INPP4B: variants seen among roughly 807,000 people sequenced by gnomAD.
INPP4B encodes the protein inositol polyphosphate-4-phosphatase type II B.
INPP4B carries 55 observed loss-of-function variants against 122.5 expected under a neutral mutation model. The ratio of observed to expected loss-of-function variants is 0.45; its 90% CI spans 0.36 to 0.56. The LOEUF is 0.56. INPP4B is among the 20% of genes least tolerant of loss of function. INPP4B has a pLI of 0.00. For missense variants in INPP4B, 1,000 were observed against 1,097.7 expected, an observed-to-expected ratio of 0.91 and a Z score of 1.26; for synonymous variants, 403 against 388.7, an observed-to-expected ratio of 1.04 and a Z score of -0.43.
chr4:142,528,475 C>T (rs191333068), intron 2 of INPP4B, among the ~76,000 whole-genome samples: 130 of 152,212 alleles, frequency 8.5e-4, no homozygotes, highest in Admixed American at 2.2e-3. Context: ...CTATTCCTTG[C>T]AAATTGCCCT....
intron 7 of INPP4B, among the ~76,000 whole-genome samples, chr4:142,398,413 T>A (rs1247482912): frequency 0.023 from 552 of 23,708 alleles, 4 homozygotes; most frequent in East Asian, 0.043. Context: ...TATATATATA[T>A]ATATATATAT....
chr4:142,714,266 A>G (rs1473714916), intron 2 of INPP4B, among the ~76,000 whole-genome samples: 1 of 152,222 alleles, frequency 6.6e-6, no homozygotes, highest in Admixed American at 6.6e-5. Context: ...GCAATTTGAC[A>G]GACTAATTAG....
At chr4:142,485,649 T>C (rs577055715) in intron 2 of INPP4B, among the ~76,000 whole-genome samples, 2 of 152,250 alleles carry the variant, frequency 1.3e-5, no homozygotes, top group Admixed American at 1.3e-4. Flanking sequence ...TTGCACAAAC[T>C]GGTTTAATTA....
chr4:142,342,217 A>C (rs531700517), intron 7 of INPP4B, among the ~76,000 whole-genome samples: 5 of 152,318 alleles, frequency 3.3e-5, no homozygotes, highest in African/African-American at 1.2e-4. Context: ...GGAAATTGGT[A>C]GTAATTGTAT....
At chr4:142,324,944 C>T (rs898109238) in intron 7 of INPP4B, among the ~76,000 whole-genome samples, 1 of 152,140 alleles carries the variant, frequency 6.6e-6, no homozygotes, top group Non-Finnish European at 1.5e-5. Context: ...TCTCTTTCTC[C>T]AAGCAGCAGC....
chr4:142,545,779 ACACATATATATGTGTG>A, intron 2 of INPP4B, among the ~76,000 whole-genome samples: 1 of 138,556 alleles, frequency 7.2e-6, no homozygotes, highest in Admixed American at 7.7e-5. Flanking sequence ...GTATATATAT[ACACATATATATGTGTG>A]TATATATATA....
intron 7 of INPP4B, among the ~76,000 whole-genome samples, chr4:142,316,409 G>C (rs1000779532): frequency 6.6e-6 from 1 of 152,166 alleles, no homozygotes; most frequent in African/African-American, 2.4e-5. Context: ...GGTGGACAAT[G>C]TATTGTGTGT....
chr4:142,655,651 A>G (rs1474186058), intron 2 of INPP4B, among the ~76,000 whole-genome samples: 2 of 152,220 alleles, frequency 1.3e-5, no homozygotes, highest in African/African-American at 4.8e-5. Context: ...TGAATGGCAT[A>G]ATTATCTGAG....
intron 1 of INPP4B, among the ~76,000 whole-genome samples, chr4:142,732,470 A>C (rs934830743): frequency 1.3e-5 from 2 of 152,106 alleles, no homozygotes; most frequent in Admixed American, 6.6e-5. Flanking sequence ...TCTGCAGAAA[A>C]CTATTAGATT....
chr4:142,408,426 T>G (rs1217727566), intron 5 of INPP4B, among the ~76,000 whole-genome samples: 1 of 151,702 alleles, frequency 6.6e-6, no homozygotes, highest in Non-Finnish European at 1.5e-5. Context: ...GGTGGCACAC[T>G]CCTGTAGTGC....
chr4:142,158,320 T>C (rs1335151407), intron 17 of INPP4B, among the ~76,000 whole-genome samples: 4 of 152,108 alleles, frequency 2.6e-5, no homozygotes, highest in African/African-American at 4.8e-5. Flanking sequence ...TGTACATCTC[T>C]AAGGCTGCAC....
chr4:142,150,922 T>C (rs994533212), intron 17 of INPP4B, among the ~76,000 whole-genome samples: 6 of 152,200 alleles, frequency 3.9e-5, no homozygotes, highest in African/African-American at 1.4e-4. Flanking sequence ...AGAAAGAATG[T>C]GAAGACTAAG....
intron 15 of INPP4B, among the ~76,000 whole-genome samples, chr4:142,174,690 T>C (rs962774739): frequency 6.6e-6 from 1 of 152,028 alleles, no homozygotes; most frequent in Non-Finnish European, 1.5e-5. Flanking sequence ...AGTGGCACAA[T>C]CAGAGTCCAC....
chr4:142,640,668 C>T (rs1456878713), intron 2 of INPP4B, among the ~76,000 whole-genome samples: 2 of 151,388 alleles, frequency 1.3e-5, no homozygotes, highest in Admixed American at 6.6e-5. Flanking sequence ...AGTAAAGAGG[C>T]AAGTCAGAAA....
At chr4:142,281,123 T>G (rs1333593042) in intron 9 of INPP4B, among the ~76,000 whole-genome samples, 1 of 151,802 alleles carries the variant, frequency 6.6e-6, no homozygotes, top group Non-Finnish European at 1.5e-5. Flanking sequence ...TTTTTTTGTA[T>G]TTTTAGTTTT....
At chr4:142,330,757 T>A (rs1471071828) in intron 7 of INPP4B, among the ~76,000 whole-genome samples, 1 of 152,230 alleles carries the variant, frequency 6.6e-6, no homozygotes, top group African/African-American at 2.4e-5. Flanking sequence ...ACAGTTGGAA[T>A]GTATTTGTCA....
intron 14 of INPP4B, among the ~76,000 whole-genome samples, chr4:142,204,649 T>C (rs933508362): frequency 6.6e-6 from 1 of 152,088 alleles, no homozygotes; most frequent in African/African-American, 2.4e-5. Context: ...CTTAATCCTA[T>C]ATAACTGTTG....
chr4:142,105,858 T>C (rs1786799686), intron 23 of INPP4B, among the ~76,000 whole-genome samples: 2 of 152,190 alleles, frequency 1.3e-5, no homozygotes, highest in Admixed American at 6.6e-5. Context: ...ATTATGGATA[T>C]GACCCAGCAT....
At chr4:142,578,613 C>T (rs1734351704) in intron 2 of INPP4B, among the ~76,000 whole-genome samples, 1 of 151,828 alleles carries the variant, frequency 6.6e-6, no homozygotes, top group Admixed American at 6.6e-5. Flanking sequence ...CTTATAAGGA[C>T]ACGAGTCAGA....
Sources: allele counts gnomAD v4.1 joint callset (sites outside exome capture counted in the v4.1 genomes callset), GRCh38; gene constraint gnomAD v4.1.1; transcripts MANE v1.5; gene names NCBI Gene and HGNC (gene_info 2026-07-23, HGNC 2026-07-21).